The following KCNIP4 variants were observed in gnomAD, a reference collection of about 807,000 sequenced individuals.
KCNIP4 encodes the protein Kv channel-interacting protein 4.
Under a neutral mutation model 34.0 loss-of-function variants are expected in KCNIP4, and 12 were observed. That is an observed-to-expected ratio of 0.35 (90% CI 0.23 to 0.57). KCNIP4 has a LOEUF of 0.57. Ranked by LOEUF, KCNIP4 falls within the 20% of genes least tolerant of loss-of-function variation. KCNIP4 has a pLI of 0.83. For synonymous variants in KCNIP4, 124 were observed against 102.2 expected, an observed-to-expected ratio of 1.21 and a Z score of -1.29; for missense variants, 238 against 311.7, an observed-to-expected ratio of 0.76 and a Z score of 1.78.
chr4:20,873,443 C>T (rs55851706), intron 2 of KCNIP4, among the ~76,000 whole-genome samples: 123 of 152,186 alleles, frequency 8.1e-4, no homozygotes, highest in African/African-American at 2.7e-3. Context: ...ATTTTCTTGT[C>T]GTCTTTCTCT....
intron 5 of KCNIP4, among the ~76,000 whole-genome samples, chr4:20,743,950 A>T (rs1326438414): frequency 6.6e-6 from 1 of 152,224 alleles, no homozygotes; most frequent in Non-Finnish European, 1.5e-5. Context: ...AAAGTGGGCA[A>T]AGGATATGAA....
intron 1 of KCNIP4, among the ~76,000 whole-genome samples, chr4:21,400,786 T>C (rs1157384029): frequency 6.6e-6 from 1 of 152,118 alleles, no homozygotes; most frequent in African/African-American, 2.4e-5. Context: ...AAGAGACCTT[T>C]AGCAAGCCCC....
chr4:21,712,791 A>T (rs1713842468), intron 1 of KCNIP4, among the ~76,000 whole-genome samples: 1 of 152,172 alleles, frequency 6.6e-6, no homozygotes, highest in African/African-American at 2.4e-5. Context: ...TAAAAAAAAA[A>T]ATCTGGTCAT....
intron 1 of KCNIP4, among the ~76,000 whole-genome samples, chr4:21,025,253 A>G (rs1372804481): frequency 6.6e-6 from 1 of 152,172 alleles, no homozygotes; most frequent in Non-Finnish European, 1.5e-5. Flanking sequence ...GAGAGAAGGT[A>G]GGTCCAGCTC....
rs1560402294 is a variant in KCNIP4 at position 21,434,774 on chromosome 4, A to AGG, written c.61+513796_61+513797insCC. On this transcript the variant is annotated intron_variant, in intron 1 of 8. Transcript: ENST00000382152. ...CCCACAACCCTGTCTGTGGGGGGAA[A>AGG]AAAAAAAAAAAAGGCTTTCCATGAA... is the stretch of plus-strand genomic sequence containing the variant. Among the ~76,000 whole-genome samples the AGG allele has an allele frequency of 1.9e-4, 26 of 139,430 alleles. No individual in the cohort carries two copies. The East Asian group carries it at 2.6e-3, about 14-fold the overall frequency. 91.5% of individuals were successfully genotyped at this position (139,430 alleles called of 152,430 possible).
intron 1 of KCNIP4, among the ~76,000 whole-genome samples, chr4:21,680,637 C>T (rs1480208315): frequency 6.6e-6 from 1 of 152,182 alleles, no homozygotes; most frequent in Non-Finnish European, 1.5e-5. Flanking sequence ...ACTGTTTGAT[C>T]CATGGGCTGC....
intron 1 of KCNIP4, among the ~76,000 whole-genome samples, chr4:21,392,503 G>C (rs1201821468): frequency 6.6e-6 from 1 of 152,192 alleles, no homozygotes; most frequent in African/African-American, 2.4e-5. Flanking sequence ...GCACTCACAA[G>C]CTATGGATGG....
intron 1 of KCNIP4, among the ~76,000 whole-genome samples, chr4:21,209,720 C>G (rs909351249): frequency 6.6e-6 from 1 of 151,716 alleles, no homozygotes; most frequent in African/African-American, 2.4e-5. Flanking sequence ...ATTGTATTTT[C>G]TTTTTATCCC....
intron 1 of KCNIP4, among the ~76,000 whole-genome samples, chr4:21,266,981 T>C (rs1761853414): frequency 6.6e-6 from 1 of 152,184 alleles, no homozygotes; most frequent in Non-Finnish European, 1.5e-5. Flanking sequence ...ATGTCTCAGT[T>C]TCCTTATCTG....
intron 1 of KCNIP4, among the ~76,000 whole-genome samples, chr4:21,679,764 C>T (rs1221706060): frequency 6.6e-6 from 1 of 152,148 alleles, no homozygotes; most frequent in South Asian, 2.1e-4. Flanking sequence ...TCTTGGCTTC[C>T]CAGTGCACGT....
chr4:21,791,612 C>A (rs566870762), intron 1 of KCNIP4, among the ~76,000 whole-genome samples: 1 of 152,242 alleles, frequency 6.6e-6, no homozygotes, highest in East Asian at 1.9e-4. Flanking sequence ...TGTGTCCACA[C>A]TCATCCTAAC....
chr4:20,866,738 T>A (rs577370493), intron 2 of KCNIP4, among the ~76,000 whole-genome samples: 1 of 152,218 alleles, frequency 6.6e-6, no homozygotes, highest in African/African-American at 2.4e-5. Context: ...ACTGATGATA[T>A]GACTCTATAC....
At chr4:21,508,929 T>C (rs1353841322) in intron 1 of KCNIP4, among the ~76,000 whole-genome samples, 1 of 152,164 alleles carries the variant, frequency 6.6e-6, no homozygotes, top group Non-Finnish European at 1.5e-5. Flanking sequence ...GCTAAATTTA[T>C]TCCTAACATG....
intron 1 of KCNIP4, among the ~76,000 whole-genome samples, chr4:21,330,916 T>C (rs1715565386): frequency 6.6e-6 from 1 of 152,120 alleles, no homozygotes; most frequent in Non-Finnish European, 1.5e-5. Flanking sequence ...ACCCTAAAGA[T>C]ACCGACTCAT....
At chr4:20,778,765 A>G (rs1429497353) in intron 3 of KCNIP4, among the ~76,000 whole-genome samples, 1 of 152,240 alleles carries the variant, frequency 6.6e-6, no homozygotes, top group Non-Finnish European at 1.5e-5. Context: ...TAAGAAATAA[A>G]TGCAGATGAG....
chr4:21,108,597 T>G (rs1030098558), intron 1 of KCNIP4, among the ~76,000 whole-genome samples: 4 of 151,762 alleles, frequency 2.6e-5, no homozygotes, highest in Admixed American at 2.0e-4. Flanking sequence ...TTCTCTCAAC[T>G]TATCAAAGTC....
At chr4:21,477,778 T>C (rs1448646662) in intron 1 of KCNIP4, among the ~76,000 whole-genome samples, 3 of 152,192 alleles carry the variant, frequency 2.0e-5, no homozygotes, top group Non-Finnish European at 4.4e-5. Flanking sequence ...CAAAAGCAAG[T>C]CCCATTGGGG....
At chr4:20,827,755 T>C (rs568543387) in intron 3 of KCNIP4, among the ~76,000 whole-genome samples, 1 of 151,406 alleles carries the variant, frequency 6.6e-6, no homozygotes, top group South Asian at 2.1e-4. Flanking sequence ...AATTTCATGC[T>C]GCAGTTACAC....
At chr4:21,063,302 C>T (rs1455462120) in intron 1 of KCNIP4, among the ~76,000 whole-genome samples, 1 of 152,144 alleles carries the variant, frequency 6.6e-6, no homozygotes, top group African/African-American at 2.4e-5. Flanking sequence ...TAACAGGTTA[C>T]ACCATCTATT....
Sources: gnomAD v4.1 joint callset for allele counts (sites outside exome capture counted in the v4.1 genomes callset) on GRCh38, gnomAD v4.1.1 for gene constraint, MANE v1.5 for transcripts, NCBI Gene and HGNC (gene_info 2026-07-23, HGNC 2026-07-21) for gene names.